Variants in UTS2B observed in about 807,000 individuals in gnomAD.
UTS2B encodes urotensin 2B.
Under a neutral mutation model 19.2 loss-of-function variants are expected in UTS2B, and 21 were observed. The ratio of observed to expected loss-of-function variants is 1.09; its 90% CI spans 0.78 to 1.58. The LOEUF is 1.58. Ranked by LOEUF, UTS2B falls within the 40% of genes most tolerant of loss-of-function variation. The pLI is 0.00. For synonymous variants in UTS2B, 57 were observed against 50.2 expected (o/e 1.14, Z -0.58); for missense variants, 138 against 130.3 (o/e 1.06, Z -0.29).
chr3:191,285,292 C>A (rs1716504598), intron 4 of UTS2B, among the ~76,000 whole-genome samples: 1 of 152,102 alleles, frequency 6.6e-6, no homozygotes, highest in African/African-American at 2.4e-5. Flanking sequence ...TAATAAGATA[C>A]TTTATTTTAG....
At chr3:191,339,996 A>G in the UTS2B span, among the ~76,000 whole-genome samples, 11 of 152,348 alleles carry the variant, frequency 7.2e-5, no homozygotes, top group Admixed American at 1.3e-4. Context: ...TAGCATGGCA[A>G]TTACCCTAGA....
intron 4 of UTS2B, among the ~76,000 whole-genome samples, chr3:191,295,935 G>A (rs1716844907): frequency 6.6e-6 from 1 of 152,110 alleles, no homozygotes; most frequent in African/African-American, 2.4e-5. Context: ...TCAATAAGAA[G>A]TCTCATGTTC....
chr3:191,332,386 G>T (rs1718019854), upstream of UTS2B, among the ~76,000 whole-genome samples: 1 of 152,158 alleles, frequency 6.6e-6, no homozygotes, highest in African/African-American at 2.4e-5. Context: ...TCATATGTAG[G>T]TGAAAAGAAT....
chr3:191,338,328 A>C, the UTS2B span, among the ~76,000 whole-genome samples: 2 of 152,274 alleles, frequency 1.3e-5, no homozygotes, highest in South Asian at 4.1e-4. Flanking sequence ...CGAATACAAG[A>C]GTTGACAAAT....
chr3:191,323,081 G>C (rs1717650733), intron 2 of UTS2B, among the ~76,000 whole-genome samples: 1 of 152,024 alleles, frequency 6.6e-6, no homozygotes, highest in Non-Finnish European at 1.5e-5. Context: ...GAAGTTGATG[G>C]GTTGATAGAT....
chr3:191,323,681 G>A (rs1316145741), intron 2 of UTS2B, among the ~76,000 whole-genome samples: 1 of 152,172 alleles, frequency 6.6e-6, no homozygotes, highest in Non-Finnish European at 1.5e-5. Context: ...AGGGAATTGA[G>A]GGTATTGAGT....
chr3:191,315,260 G>A (rs748785394), intron 3 of UTS2B, among the ~76,000 whole-genome samples: 17 of 152,120 alleles, frequency 1.1e-4, no homozygotes, highest in Non-Finnish European at 1.8e-4. Flanking sequence ...TGATCTGCTC[G>A]CCTCAGCTTC....
intron 3 of UTS2B, among the ~76,000 whole-genome samples, chr3:191,313,725 C>CTTTTTTTTTTTTTTTTTTTTTTTTTT: frequency 9.2e-6 from 1 of 109,124 alleles, no homozygotes; most frequent in Non-Finnish European, 1.8e-5. Flanking sequence ...CTCCACTTTC[C>CTTTTTTTTTTTTTTTTTTTTTTTTTT]TTTTTTTTTT....
chr3:191,296,770 T>C (rs1368159790), intron 4 of UTS2B, among the ~76,000 whole-genome samples: 2 of 152,100 alleles, frequency 1.3e-5, no homozygotes, highest in East Asian at 3.9e-4. Flanking sequence ...TCTCCAAAAT[T>C]AGGCAGGCCT....
chr3:191,309,812 G>A (rs1221497631), intron 3 of UTS2B, among the ~76,000 whole-genome samples: 3 of 152,042 alleles, frequency 2.0e-5, no homozygotes, highest in East Asian at 1.9e-4. Flanking sequence ...TTTGCCTTCC[G>A]CCATGATTAT....
At chr3:191,334,216 G>C (rs2108628475), upstream of UTS2B, among the ~76,000 whole-genome samples, 1 of 152,182 alleles carries the variant, frequency 6.6e-6, no homozygotes, top group Middle Eastern at 3.4e-3. Flanking sequence ...CATGATCTTT[G>C]CTGTGGTATA....
chr3:191,298,598 A>G (rs1716917094), intron 4 of UTS2B, among the ~76,000 whole-genome samples: 1 of 152,188 alleles, frequency 6.6e-6, no homozygotes, highest in South Asian at 2.1e-4. Flanking sequence ...TTTATAAATT[A>G]CCCTGTCTCA....
At chr3:191,332,423 T>A (rs1056407107), upstream of UTS2B, among the ~76,000 whole-genome samples, 5 of 152,152 alleles carry the variant, frequency 3.3e-5, no homozygotes, top group African/African-American at 1.2e-4. Context: ...CAACACATCA[T>A]TTTTTCTGGT....
At chr3:191,345,007 C>T in the UTS2B span, among the ~76,000 whole-genome samples, 1 of 152,148 alleles carries the variant, frequency 6.6e-6, no homozygotes, top group African/African-American at 2.4e-5. Context: ...ACCTTAGTGA[C>T]TTCTTGATGG....
chr3:191,333,661 A>G (rs917289379), upstream of UTS2B, among the ~76,000 whole-genome samples: 7 of 152,188 alleles, frequency 4.6e-5, no homozygotes, highest in Admixed American at 3.9e-4. Context: ...ATCAGCAACT[A>G]TTCAGTAAAT....
At chr3:191,288,055 A>T (rs568660683) in intron 4 of UTS2B, among the ~76,000 whole-genome samples, 1 of 152,276 alleles carries the variant, frequency 6.6e-6, no homozygotes, top group South Asian at 2.1e-4. Flanking sequence ...CCCCTCAAAA[A>T]ATTATTAGGA....
At chr3:191,279,067 T>C (rs999926282) in intron 5 of UTS2B, among the ~76,000 whole-genome samples, 3 of 152,060 alleles carry the variant, frequency 2.0e-5, no homozygotes, top group African/African-American at 7.2e-5. Flanking sequence ...TTGACTGGAC[T>C]ATTTCTTAAA....
intron 4 of UTS2B, among the ~76,000 whole-genome samples, chr3:191,294,005 G>A (rs2108587240): frequency 6.6e-6 from 1 of 152,008 alleles, no homozygotes; most frequent in African/African-American, 2.4e-5. Flanking sequence ...CTACTCGGGT[G>A]GCTGAGGCTG....
intron 4 of UTS2B, among the ~76,000 whole-genome samples, chr3:191,304,199 C>T (rs1284534472): frequency 6.6e-6 from 1 of 152,182 alleles, no homozygotes; most frequent in Non-Finnish European, 1.5e-5. Flanking sequence ...CTCAAGTGAT[C>T]CACCTGCCTC....
Sources: gnomAD v4.1 joint callset for allele counts (sites outside exome capture counted in the v4.1 genomes callset) on GRCh38, gnomAD v4.1.1 for gene constraint, MANE v1.5 for transcripts, NCBI Gene and HGNC (gene_info 2026-07-23, HGNC 2026-07-21) for gene names.